KLC1: variants seen among roughly 807,000 people sequenced by gnomAD.
KLC1 encodes kinesin light chain 1.
In KLC1, 30 loss-of-function variants were observed where a neutral mutation model predicts 84.2. The ratio of observed to expected loss-of-function variants is 0.36; its 90% confidence interval spans 0.27 to 0.48. KLC1 has a LOEUF of 0.48. Among genes scored for constraint, KLC1 ranks in the 20% least tolerant of loss-of-function variants. The pLI, the probability that KLC1 is intolerant of heterozygous loss-of-function variation, is 0.99. For missense variants in KLC1, 499 were observed against 805.4 expected (o/e 0.62, Z 4.60); for synonymous variants, 289 against 293.3 (o/e 0.99, Z 0.15).
chr14:103,666,897 C>T (rs974870252), intron 5 of KLC1, among the ~76,000 whole-genome samples: 2 of 151,760 alleles, frequency 1.3e-5, no homozygotes, highest in African/African-American at 4.8e-5. Context: ...CTGCCTCAGC[C>T]TCCCTAGTAG....
At chr14:103,646,389 C>T (rs1235482636) in intron 1 of KLC1, among the ~76,000 whole-genome samples, 18 of 152,174 alleles carry the variant, frequency 1.2e-4, no homozygotes, top group Non-Finnish European at 1.5e-5. Flanking sequence ...CAGCCTTGAA[C>T]TCCTGGGCTC....
intron 13 of KLC1, among the ~76,000 whole-genome samples, chr14:103,680,338 T>C (rs1306037990): frequency 6.6e-6 from 1 of 152,092 alleles, no homozygotes; most frequent in Admixed American, 6.6e-5. Flanking sequence ...TCAGGGAGAA[T>C]TGAAGGCGGC....
At chr14:103,643,166 A>C (rs1326196158) in intron 1 of KLC1, among the ~76,000 whole-genome samples, 1 of 152,230 alleles carries the variant, frequency 6.6e-6, no homozygotes, top group Non-Finnish European at 1.5e-5. Context: ...TACATTAATA[A>C]ATGAGGAAAG....
At position 103,700,735 on chromosome 14, in the gene KLC1, C is replaced by T; in HGVS notation, c.*1+8C>T. ...GAAGACGCCACCGCTAACGTGAGTC[C>T]CACGGCCTGCAGCCCCAGGAAGCAG... On this transcript the variant is annotated splice_region_variant and intron_variant, in intron 16 of 16. Coordinates refer to ENST00000334553, the MANE Select transcript of KLC1 (RefSeq NM_001394837.1). 1 of 1,584,166 alleles carries T rather than the reference C, an allele frequency of 6.3e-7. No individual in the cohort carries two copies. Among genetic ancestry groups the T allele is most frequent in the South Asian group, 1.1e-5 (1 of 88,112 alleles).
intron 1 of KLC1, among the ~76,000 whole-genome samples, chr14:103,645,986 C>CTGACATCG (rs1170204672): frequency 1.3e-5 from 2 of 151,980 alleles, no homozygotes; most frequent in Non-Finnish European, 2.9e-5. Context: ...TCTTGATCTC[C>CTGACATCG]TGACATCGTG....
Position 103,701,185 on chromosome 14 carries a change from C to G in KLC1, c.*2-16C>G, listed in dbSNP as rs2083169926. ...GTTTTGGCGGCCCAGCCCTGACCTT[C>G]TATCTTCTCTTGCAGTGACCCCGAC... On this transcript the variant is annotated splice_polypyrimidine_tract_variant and intron_variant, in intron 16 of 16. Coordinates refer to ENST00000334553, the MANE Select transcript of KLC1 (RefSeq NM_001394837.1). 1 of 1,550,512 alleles carries G rather than the reference C, an allele frequency of 6.4e-7. No individual in the cohort carries two copies. The highest frequency in any genetic ancestry group is 8.7e-7 in the Non-Finnish European group (1 of 1,146,308).
Position 103,662,784 on chromosome 14 carries a change from C to T in KLC1, c.654C>T (p.Asn218=), listed in dbSNP as rs2079402831. 1 of 1,612,700 alleles carries T rather than the reference C, an allele frequency of 6.2e-7. No individual in the cohort carries two copies. The highest frequency in any genetic ancestry group is 1.7e-5 in the Admixed American group (1 of 59,846). The part of the protein sequence containing the change: ...EIPARLRTLH[N]LVIQYASQGR... ...CCGCGCGGCTGCGGACGCTCCACAA[C>T]CTGGTGATCCAGTACGCCTCGCAGG... The change falls in exon 5 of 17, where the codon AAC becomes AAT. Residue 218 remains asparagine (N), a synonymous_variant. Coordinates refer to ENST00000334553, the MANE Select transcript of KLC1 (RefSeq NM_001394837.1).
intron 14 of KLC1, among the ~76,000 whole-genome samples, chr14:103,691,607 T>TA (rs1282003717): frequency 6.6e-6 from 1 of 151,714 alleles, no homozygotes. Flanking sequence ...TAGCTGGAAT[T>TA]ACAGGCACAT....
chr14:103,637,979 C>T (rs1442804819), intron 1 of KLC1, among the ~76,000 whole-genome samples: 2 of 152,142 alleles, frequency 1.3e-5, no homozygotes, highest in Admixed American at 1.3e-4. Context: ...ACGTAAGCCA[C>T]TATGCTGGGC....
intron 13 of KLC1, among the ~76,000 whole-genome samples, chr14:103,680,054 C>T (rs2081221695): frequency 6.6e-6 from 1 of 152,204 alleles, no homozygotes. Context: ...CTGCCTCAGT[C>T]CTGAGCGTCC....
intron 3 of KLC1, among the ~76,000 whole-genome samples, chr14:103,661,219 C>T (rs1286925002): frequency 6.6e-6 from 1 of 152,168 alleles, no homozygotes; most frequent in Non-Finnish European, 1.5e-5. Context: ...AGCTCATACT[C>T]TCCTTTTGTT....
chr14:103,685,003 C>G (rs898572873), intron 13 of KLC1: 1 of 1,221,916 alleles, frequency 8.2e-7, no homozygotes, highest in South Asian at 1.3e-5. Flanking sequence ...AAATGAAGCT[C>G]GGGCTGGTTA....
At chr14:103,681,831 A>C (rs544528169) in intron 13 of KLC1, among the ~76,000 whole-genome samples, 1 of 152,370 alleles carries the variant, frequency 6.6e-6, no homozygotes, top group South Asian at 2.1e-4. Context: ...AATTAGAGAC[A>C]GTAAAAGGGG....
chr14:103,677,945 T>G (rs1595508550), intron 12 of KLC1, among the ~76,000 whole-genome samples: 1 of 134,038 alleles, frequency 7.5e-6, no homozygotes, highest in African/African-American at 2.9e-5. Flanking sequence ...CCAACCTGGG[T>G]GACAGAACGA....
chr14:103,670,605 G>T (rs1194281595), intron 7 of KLC1, among the ~76,000 whole-genome samples: 1 of 151,782 alleles, frequency 6.6e-6, no homozygotes, highest in Non-Finnish European at 1.5e-5. Context: ...AAAGTGCTGG[G>T]ATTACAGGCT....
chr14:103,687,292 CCA>C, intron 14 of KLC1, 81 bp downstream of exon 14: 1 of 1,361,900 alleles, frequency 7.3e-7, no homozygotes, highest in Non-Finnish European at 9.9e-7. Context: ...CCTTCCTCAC[CCA>C]CAGACTTGAG....
intron 1 of KLC1, among the ~76,000 whole-genome samples, chr14:103,631,398 A>C (rs2076676429): frequency 6.6e-6 from 1 of 151,982 alleles, no homozygotes; most frequent in South Asian, 2.1e-4. Flanking sequence ...TACATTTTTA[A>C]AATTTATACA....
intron 15 of KLC1, chr14:103,699,412 C>T (rs1261497164): frequency 6.2e-7 from 1 of 1,612,568 alleles, no homozygotes; most frequent in Admixed American, 1.7e-5. Flanking sequence ...TCAGCTCACG[C>T]AGCGTGGCCC....
At position 103,693,803 on chromosome 14, in the gene KLC1, C is replaced by T; in HGVS notation, c.1848+1378C>T. On this transcript the variant is annotated intron_variant, in intron 15 of 16. Transcript: ENST00000334553. This position sits in a 1 kb window ranked among gnomAD's most constrained non-coding sequence, Gnocchi z 5.1. ...GAGGCCGTGCCTCAGCATTCTGTTACTCGGCCTGCAGCCCCAGTGCCAGGA... is the reference window on the plus strand; with the variant it reads ...GAGGCCGTGCCTCAGCATTCTGTTATTCGGCCTGCAGCCCCAGTGCCAGGA... The T allele has an allele frequency of 7.1e-7, 1 of 1,407,482 alleles. No individual in the cohort carries two copies. Among genetic ancestry groups the T allele is most frequent in the East Asian group, 2.7e-5 (1 of 37,638 alleles). 87.2% of individuals were successfully genotyped at this position (1,407,482 alleles called of 1,614,324 possible).
Sources: allele counts gnomAD v4.1 joint callset (sites outside exome capture counted in the v4.1 genomes callset), GRCh38; gene constraint gnomAD v4.1.1; non-coding constraint Gnocchi (gnomAD v3.1); transcripts MANE v1.5; gene names NCBI Gene and HGNC (gene_info 2026-07-23, HGNC 2026-07-21).